Variants in CELF4 observed in about 807,000 individuals in gnomAD.
CELF4 encodes CUGBP Elav-like family member 4.
A neutral mutation model predicts 59.9 loss-of-function variants in CELF4; 18 were observed. The ratio of observed to expected loss-of-function variants is 0.30; its 90% CI spans 0.21 to 0.45. CELF4 has a LOEUF of 0.45. Among genes scored for constraint, CELF4 ranks in the 20% least tolerant of loss-of-function variants. The probability of loss-of-function intolerance (pLI) is 1.00; values close to 1 mark genes in which losing one functional copy is unlikely to be tolerated. For synonymous variants in CELF4, 261 were observed against 267.1 expected, an observed-to-expected ratio of 0.98 and a Z score of 0.22; for missense variants, 456 against 689.0, an observed-to-expected ratio of 0.66 and a Z score of 3.79.
chr18:37,271,493 T>A (rs1376487589), intron 7 of CELF4, among the ~76,000 whole-genome samples: 1 of 152,118 alleles, frequency 6.6e-6, no homozygotes, highest in East Asian at 1.9e-4. Context: ...TGACCTCAAG[T>A]GATCCACCCG....
intron 2 of CELF4, among the ~76,000 whole-genome samples, chr18:37,322,497 A>G (rs1409948037): frequency 1.3e-5 from 2 of 152,170 alleles, no homozygotes; most frequent in African/African-American, 4.8e-5. Context: ...GGGCACAGCT[A>G]CTTGTCCCCT....
chr18:37,453,187 C>A (rs2099768997), intron 2 of CELF4, among the ~76,000 whole-genome samples: 1 of 152,272 alleles, frequency 6.6e-6, no homozygotes, highest in South Asian at 2.1e-4. Context: ...TTTGCTCATA[C>A]TTCTGGGAAA....
chr18:37,542,693 T>G (rs1286304172), intron 1 of CELF4, among the ~76,000 whole-genome samples: 2 of 152,196 alleles, frequency 1.3e-5, no homozygotes, highest in African/African-American at 4.8e-5. Context: ...GATAAATACA[T>G]GTTAACAATT....
In CELF4 at chr18:37,270,786, C is replaced by A. The variant is rs754204457; in HGVS notation, c.1081G>T (p.Gly361Cys). 2 of 1,613,932 alleles carry A rather than the reference C, an allele frequency of 1.2e-6. No individual in the cohort carries two copies. The highest frequency in any genetic ancestry group is 4.5e-5 in the East Asian group (2 of 44,878). ...TGCTTACCTGGGTAGGGGTGGATGC[C>A]ATTGGCGAACACAGCTTCCGCAGCA... ...QPAAEAVFAN[G>C]IHPYPAQSPT... Residue 361 changes from glycine to cysteine, a missense_variant, in exon 8 of 13, where the codon GGC becomes TGC. Gly to Cys is a radical substitution (Grantham distance 159, BLOSUM62 -3). Around this residue, in one of 7 missense-constraint regions of CELF4, gnomAD observed 256 missense variants for 340.8 expected, o/e 0.75. Transcript: ENST00000420428.
At chr18:37,424,377 AAAGGGGTGCT>A (rs1400609551) in intron 2 of CELF4, among the ~76,000 whole-genome samples, 1 of 152,036 alleles carries the variant, frequency 6.6e-6, no homozygotes, top group African/African-American at 2.4e-5. Flanking sequence ...TGCCAAGGAG[AAAGGGGTGCT>A]AAGGGATTCA....
chr18:37,347,474 G>A (rs907130863), intron 2 of CELF4, among the ~76,000 whole-genome samples: 1 of 152,086 alleles, frequency 6.6e-6, no homozygotes, highest in Non-Finnish European at 1.5e-5. Context: ...TTTTATTCTG[G>A]AAAGTGTCCC....
intron 3 of CELF4, among the ~76,000 whole-genome samples, chr18:37,320,926 G>C (rs568520545): frequency 6.6e-6 from 1 of 152,108 alleles, no homozygotes; most frequent in Non-Finnish European, 1.5e-5. Flanking sequence ...GCTGGTGCCC[G>C]GGTAGGGGAG....
At chr18:37,274,237 G>A in intron 6 of CELF4, 74 bp downstream of exon 6, 1 of 1,584,294 alleles carries the variant, frequency 6.3e-7, no homozygotes, top group South Asian at 1.1e-5. Context: ...AGTATTTTCG[G>A]TTTCATGTCC....
At chr18:37,519,504 C>A (rs937663566) in intron 1 of CELF4, among the ~76,000 whole-genome samples, 1 of 152,138 alleles carries the variant, frequency 6.6e-6, no homozygotes, top group African/African-American at 2.4e-5. Flanking sequence ...AGCATTTTGC[C>A]GTTGTTTGGA....
intron 3 of CELF4, among the ~76,000 whole-genome samples, chr18:37,316,471 C>T (rs2096873612): frequency 6.6e-6 from 1 of 151,968 alleles, no homozygotes; most frequent in Non-Finnish European, 1.5e-5. Context: ...TAGCAGGGGC[C>T]CTCTCTCTTC....
At chr18:37,267,006 C>G (rs1227897356) in intron 8 of CELF4, among the ~76,000 whole-genome samples, 1 of 152,098 alleles carries the variant, frequency 6.6e-6, no homozygotes, top group Non-Finnish European at 1.5e-5. Flanking sequence ...GCTGGCAGCC[C>G]CCAGTGGGTG....
Position 37,360,580 on chromosome 18 carries a change from A to G in CELF4, c.370-38699T>C, listed in dbSNP as rs377737965. On this transcript the variant is annotated intron_variant, in intron 2 of 12. Coordinates refer to ENST00000420428, the MANE Select transcript of CELF4 (RefSeq NM_020180.4). Reference sequence around the variant, plus strand: ...CAGATGAGGAAACAGAGGCCCAGATAGGTGAAATCACTTGTCCGAAGCTAT... The same window carrying G: ...CAGATGAGGAAACAGAGGCCCAGATGGGTGAAATCACTTGTCCGAAGCTAT... 1.8e-4 allele frequency among the ~76,000 whole-genome samples: 28 copies of G among 152,368 alleles called. No individual in the cohort carries two copies. The East Asian group carries it at 2.7e-3, about 15-fold the overall frequency.
At chr18:37,305,258 G>A (rs1569552030) in intron 3 of CELF4, 1 of 152,320 alleles carries the variant, frequency 6.6e-6, no homozygotes, top group South Asian at 2.1e-4. Context: ...GAGTTTCAGA[G>A]GAGGAGGGGT....
intron 1 of CELF4, among the ~76,000 whole-genome samples, chr18:37,505,768 G>T (rs1004585084): frequency 3.9e-5 from 6 of 152,200 alleles, no homozygotes; most frequent in African/African-American, 1.4e-4. Flanking sequence ...GACTCTACAG[G>T]GGGATCGATA....
chr18:37,468,051 G>A (rs991536455), intron 2 of CELF4, among the ~76,000 whole-genome samples: 26 of 152,224 alleles, frequency 1.7e-4, no homozygotes, highest in Non-Finnish European at 2.9e-4. Context: ...CATCTTGCAC[G>A]TGTGTGCATA....
intron 2 of CELF4, among the ~76,000 whole-genome samples, chr18:37,442,937 C>G (rs2099737081): frequency 6.6e-6 from 1 of 152,194 alleles, no homozygotes. Flanking sequence ...TAGTTTGCAC[C>G]TATCTTCCTA....
At chr18:37,310,756 G>T (rs890201501) in intron 3 of CELF4, among the ~76,000 whole-genome samples, 2 of 151,916 alleles carry the variant, frequency 1.3e-5, no homozygotes, top group African/African-American at 2.4e-5. Context: ...CACGTTCAGG[G>T]CTCACTCAGT....
At chr18:37,255,820 AG>A (rs2068953193) in intron 11 of CELF4, among the ~76,000 whole-genome samples, 1 of 152,112 alleles carries the variant, frequency 6.6e-6, no homozygotes, top group African/African-American at 2.4e-5. Context: ...AGCTCAAAGA[AG>A]GGAGGGGAAA....
chr18:37,265,064 G>A (rs2076781810), intron 9 of CELF4, among the ~76,000 whole-genome samples: 1 of 148,702 alleles, frequency 6.7e-6, no homozygotes, highest in African/African-American at 2.4e-5. Context: ...GTACATGCAA[G>A]TGTGGGTGTA....
Sources: gnomAD v4.1 joint callset for allele counts (sites outside exome capture counted in the v4.1 genomes callset) on GRCh38, gnomAD v4.1.1 for gene constraint, gnomAD v4.1.1 regional missense constraint, MANE v1.5 for transcripts, NCBI Gene and HGNC (gene_info 2026-07-23, HGNC 2026-07-21) for gene names.